The following MRTFA variants were observed in gnomAD, a reference collection of about 807,000 sequenced individuals.
MRTFA encodes myocardin related transcription factor A.
MRTFA carries 20 observed loss-of-function variants against 83.5 expected under a neutral mutation model. That is an observed-to-expected ratio of 0.24 (90% CI 0.17 to 0.35). The LOEUF (loss-of-function observed/expected upper bound fraction) is 0.35. Ranked by LOEUF, MRTFA falls within the 10% of genes least tolerant of loss-of-function variation. The pLI, the probability that MRTFA is intolerant of heterozygous loss-of-function variation, is 1.00. For synonymous variants in MRTFA, 659 were observed against 541.2 expected, an observed-to-expected ratio of 1.22 and a Z score of -3.02; for missense variants, 1,200 against 1,224.7, an observed-to-expected ratio of 0.98 and a Z score of 0.30.
chr22:40,560,135 G>A (rs998668630), intron 2 of MRTFA, among the ~76,000 whole-genome samples: 1 of 152,206 alleles, frequency 6.6e-6, no homozygotes, highest in Non-Finnish European at 1.5e-5. Context: ...CCATGAGGCA[G>A]GGAGTGAGGA....
chr22:40,617,204 G>GGGAA (rs1454715606), intron 1 of MRTFA, among the ~76,000 whole-genome samples: 2 of 121,398 alleles, frequency 1.6e-5, no homozygotes, highest in Non-Finnish European at 1.8e-5. Context: ...GAGGGAGGGA[G>GGGAA]GGAGGGAGGG....
intron 4 of MRTFA, among the ~76,000 whole-genome samples, chr22:40,459,822 C>CATAT (rs1284924516): frequency 1.5e-3 from 101 of 68,170 alleles, no homozygotes; most frequent in African/African-American, 4.0e-3. Flanking sequence ...CACACACACA[C>CATAT]ATATATACAT....
intron 1 of MRTFA, among the ~76,000 whole-genome samples, chr22:40,634,904 C>A (rs1356016783): frequency 6.6e-6 from 1 of 152,152 alleles, no homozygotes; most frequent in African/African-American, 2.4e-5. Context: ...ACTCTTCCAC[C>A]TCTCTTGATT....
chr22:40,630,532 T>G (rs2056630837), intron 1 of MRTFA, among the ~76,000 whole-genome samples: 1 of 152,158 alleles, frequency 6.6e-6, no homozygotes, highest in Non-Finnish European at 1.5e-5. Flanking sequence ...TTCCTTTCCT[T>G]TCGACGTAAC....
chr22:40,432,241 C>T lies in MRTFA; in HGVS notation c.364-761G>A, dbSNP rs143415509. Among the ~76,000 whole-genome samples, 124 of 151,912 alleles carry T rather than the reference C, an allele frequency of 8.2e-4. 2 individuals carry two copies. The East Asian group carries it at 0.023, about 28-fold the overall frequency. On this transcript the variant is annotated intron_variant, in intron 5 of 14. Coordinates refer to ENST00000355630, the MANE Select transcript of MRTFA (RefSeq NM_020831.6). ...AGCCTGGGCAACAAGAGCGAAACTC[C>T]GTCTCAAAAAACAAACAAAAAAAAC...
At chr22:40,457,583 G>T (rs1411151236) in intron 4 of MRTFA, among the ~76,000 whole-genome samples, 1 of 151,914 alleles carries the variant, frequency 6.6e-6, no homozygotes, top group Non-Finnish European at 1.5e-5. Flanking sequence ...CTTTTAAGAA[G>T]AAATTTTAAC....
At chr22:40,496,443 T>A (rs1216558601) in intron 3 of MRTFA, among the ~76,000 whole-genome samples, 2 of 148,446 alleles carry the variant, frequency 1.3e-5, no homozygotes, top group African/African-American at 5.0e-5. Flanking sequence ...TCCCTTTTGT[T>A]TATCTGTATC....
intron 3 of MRTFA, among the ~76,000 whole-genome samples, chr22:40,540,860 T>C (rs899802274): frequency 1.3e-5 from 2 of 150,736 alleles, no homozygotes; most frequent in Admixed American, 1.3e-4. Flanking sequence ...CTGACATACA[T>C]GACAGCATTC....
chr22:40,571,671 C>T (rs2055794871), intron 2 of MRTFA, among the ~76,000 whole-genome samples: 1 of 151,872 alleles, frequency 6.6e-6, no homozygotes, highest in Non-Finnish European at 1.5e-5. Context: ...ATAATCCCGG[C>T]ACTTTGAGAG....
At chr22:40,496,015 A>G (rs2054348897) in intron 3 of MRTFA, among the ~76,000 whole-genome samples, 2 of 151,494 alleles carry the variant, frequency 1.3e-5, no homozygotes, top group Admixed American at 1.3e-4. Flanking sequence ...GCAGTGAGCC[A>G]AGATTGCACC....
chr22:40,530,367 G>T (rs988455940), intron 3 of MRTFA, among the ~76,000 whole-genome samples: 9 of 152,224 alleles, frequency 5.9e-5, no homozygotes, highest in African/African-American at 2.2e-4. Context: ...CACAATCTCA[G>T]CTCACTGCAG....
intron 3 of MRTFA, among the ~76,000 whole-genome samples, chr22:40,501,898 A>G (rs1429013695): frequency 2.2e-4 from 8 of 36,608 alleles, no homozygotes; most frequent in Admixed American, 3.9e-4. Context: ...CTGGCCGGGC[A>G]TAGGGGCTCC....
intron 3 of MRTFA, among the ~76,000 whole-genome samples, chr22:40,467,898 T>C (rs891750080): frequency 3.3e-5 from 5 of 152,306 alleles, no homozygotes; most frequent in African/African-American, 1.2e-4. Flanking sequence ...GAACAACCTA[T>C]ACATAGATGA....
chr22:40,611,934 T>A (rs2056392456), intron 1 of MRTFA, among the ~76,000 whole-genome samples: 1 of 152,188 alleles, frequency 6.6e-6, no homozygotes, highest in Non-Finnish European at 1.5e-5. Context: ...TACCAGAATA[T>A]GTGGAAATGT....
intron 3 of MRTFA, among the ~76,000 whole-genome samples, chr22:40,487,499 G>A (rs11703821): frequency 6.6e-6 from 1 of 151,998 alleles, no homozygotes; most frequent in South Asian, 2.1e-4. Flanking sequence ...AAGAACTTTG[G>A]GTTCTTGACT....
chr22:40,608,835 T>C (rs2056350371), intron 1 of MRTFA, among the ~76,000 whole-genome samples: 1 of 152,206 alleles, frequency 6.6e-6, no homozygotes, highest in African/African-American at 2.4e-5. Context: ...AACACAGTAA[T>C]GTGATAATAA....
chr22:40,443,618 C>T (rs1254626849), intron 4 of MRTFA, among the ~76,000 whole-genome samples: 2 of 152,076 alleles, frequency 1.3e-5, no homozygotes, highest in East Asian at 1.9e-4. Flanking sequence ...CAGCCCAGCA[C>T]AACAGAAAAC....
intron 3 of MRTFA, among the ~76,000 whole-genome samples, chr22:40,536,982 G>C (rs1169043960): frequency 3.3e-4 from 30 of 92,306 alleles, no homozygotes; most frequent in African/African-American, 1.1e-3. Flanking sequence ...GAGCGTCTCC[G>C]CCCGGCAGCC....
chr22:40,463,999 A>G (rs1324132440), intron 3 of MRTFA, among the ~76,000 whole-genome samples: 1 of 151,992 alleles, frequency 6.6e-6, no homozygotes. Context: ...ATTTTTTTTA[A>G]GTTAAAAATC....
Sources: allele counts gnomAD v4.1 joint callset (sites outside exome capture counted in the v4.1 genomes callset), GRCh38; gene constraint gnomAD v4.1.1; transcripts MANE v1.5; gene names NCBI Gene and HGNC (gene_info 2026-07-23, HGNC 2026-07-21).